The following TANC2 variants were observed in gnomAD, a reference collection of about 807,000 sequenced individuals.
TANC2 encodes the protein tetratricopeptide repeat, ankyrin repeat and coiled-coil containing 2.
A neutral mutation model predicts 210.5 loss-of-function variants in TANC2; 26 were observed. The observed-to-expected ratio is 0.12, with a 90% CI of 0.09 to 0.17. The LOEUF (loss-of-function observed/expected upper bound fraction) is 0.17. Among genes scored for constraint, TANC2 ranks in the 10% least tolerant of loss-of-function variants. The pLI is 1.00. For synonymous variants in TANC2, 931 were observed against 967.1 expected, an observed-to-expected ratio of 0.96 and a Z score of 0.69; for missense variants, 2,129 against 2,608.9, an observed-to-expected ratio of 0.82 and a Z score of 4.01.
intron 2 of TANC2, among the ~76,000 whole-genome samples, chr17:63,064,749 TAA>T (rs1352842884): frequency 1.3e-5 from 2 of 152,138 alleles, no homozygotes; most frequent in African/African-American, 2.4e-5. Context: ...TATTGTATAT[TAA>T]GTTATAATTT....
intron 4 of TANC2, among the ~76,000 whole-genome samples, chr17:63,137,935 T>A (rs1266008845): frequency 6.6e-6 from 1 of 152,168 alleles, no homozygotes; most frequent in Non-Finnish European, 1.5e-5. Flanking sequence ...TTATATAGAG[T>A]ATAGCAAAGA....
chr17:63,177,017 A>G (rs987837671), intron 5 of TANC2, among the ~76,000 whole-genome samples: 1 of 151,994 alleles, frequency 6.6e-6, no homozygotes, highest in Non-Finnish European at 1.5e-5. Flanking sequence ...TAATCCCAGC[A>G]CTTTAGGAGG....
chr17:63,035,972 C>T (rs1160697866), intron 2 of TANC2, among the ~76,000 whole-genome samples: 1 of 152,106 alleles, frequency 6.6e-6, no homozygotes, highest in Non-Finnish European at 1.5e-5. Flanking sequence ...TTTTCATGTG[C>T]TTGTCTTCCG....
chr17:63,373,899 T>C (rs2047344487), intron 14 of TANC2, among the ~76,000 whole-genome samples: 1 of 152,098 alleles, frequency 6.6e-6, no homozygotes, highest in Admixed American at 6.6e-5. Context: ...GAGAATTGCT[T>C]GAACCCAGGA....
At chr17:63,377,928 C>T (rs1027346823) in intron 14 of TANC2, among the ~76,000 whole-genome samples, 1 of 152,172 alleles carries the variant, frequency 6.6e-6, no homozygotes, top group Non-Finnish European at 1.5e-5. Context: ...ATGCCAGACA[C>T]TTAGAAAACC....
At chr17:63,098,289 A>G (rs1422565710) in intron 3 of TANC2, among the ~76,000 whole-genome samples, 1 of 151,950 alleles carries the variant, frequency 6.6e-6, no homozygotes, top group Non-Finnish European at 1.5e-5. Context: ...TTTATGGGAA[A>G]TATTTAGAGC....
chr17:63,334,848 T>C (rs759456822), intron 11 of TANC2, among the ~76,000 whole-genome samples: 2 of 152,218 alleles, frequency 1.3e-5, no homozygotes, highest in Non-Finnish European at 2.9e-5. Context: ...CTGCAGGCTG[T>C]ATGAGCATGG....
chr17:63,251,783 G>T (rs954337651), intron 8 of TANC2, among the ~76,000 whole-genome samples: 1 of 152,068 alleles, frequency 6.6e-6, no homozygotes, highest in Non-Finnish European at 1.5e-5. Context: ...TTGAAGGAAT[G>T]AACTATTCAC....
chr17:63,340,323 C>A (rs749051087), exon 12 of TANC2: 1 of 1,613,756 alleles, frequency 6.2e-7, no homozygotes, highest in Non-Finnish European at 8.5e-7. Context: ...ACTAGAAAAT[C>A]TCCATAAAGG....
chr17:62,995,795 A>T (rs558724440), intron 1 of TANC2, among the ~76,000 whole-genome samples: 3 of 152,180 alleles, frequency 2.0e-5, no homozygotes, highest in Non-Finnish European at 4.4e-5. Context: ...GCTTTTAGGG[A>T]AATTATCAAA....
chr17:62,977,158 A>T (rs1239838221), intron 1 of TANC2, among the ~76,000 whole-genome samples: 4 of 152,222 alleles, frequency 2.6e-5, no homozygotes, highest in African/African-American at 9.6e-5. Context: ...GGGAACAAGC[A>T]TTCTGTTTCT....
At chr17:63,170,978 G>C (rs1251577073) in intron 5 of TANC2, among the ~76,000 whole-genome samples, 1 of 151,778 alleles carries the variant, frequency 6.6e-6, no homozygotes, top group Non-Finnish European at 1.5e-5. Flanking sequence ...TCTCCATTTG[G>C]TGTTACTCAA....
chr17:63,270,229 T>C (rs1430766326), intron 9 of TANC2, among the ~76,000 whole-genome samples: 1 of 152,174 alleles, frequency 6.6e-6, no homozygotes, highest in African/African-American at 2.4e-5. Flanking sequence ...ACATGTTATC[T>C]TAATTATTGT....
chr17:62,975,873 T>C (rs1029523610), intron 1 of TANC2, among the ~76,000 whole-genome samples: 1 of 152,152 alleles, frequency 6.6e-6, no homozygotes. Flanking sequence ...TTTATTAGCC[T>C]GTGGAAAGTA....
chr17:62,998,908 C>T (rs1175395327), intron 1 of TANC2, among the ~76,000 whole-genome samples: 1 of 152,126 alleles, frequency 6.6e-6, no homozygotes, highest in Non-Finnish European at 1.5e-5. Flanking sequence ...ATATCAATAT[C>T]AACACACATA....
intron 8 of TANC2, among the ~76,000 whole-genome samples, chr17:63,239,654 TCTAA>T (rs1480828577): frequency 1.3e-5 from 2 of 152,196 alleles, no homozygotes; most frequent in Admixed American, 1.3e-4. Flanking sequence ...CCTAGGACCT[TCTAA>T]CTATGTCAAT....
At chr17:63,071,209 A>G (rs2036384528) in intron 2 of TANC2, among the ~76,000 whole-genome samples, 1 of 152,182 alleles carries the variant, frequency 6.6e-6, no homozygotes, top group Non-Finnish European at 1.5e-5. Context: ...GATGTGGGGA[A>G]TAGATGCATG....
chr17:63,409,566 A>T (rs2048624741), intron 21 of TANC2, among the ~76,000 whole-genome samples: 1 of 152,252 alleles, frequency 6.6e-6, no homozygotes, highest in African/African-American at 2.4e-5. Context: ...TGTTCAGAGA[A>T]ATGCATTCCA....
At chr17:63,352,708 T>A (rs2046651567) in intron 13 of TANC2, among the ~76,000 whole-genome samples, 1 of 152,162 alleles carries the variant, frequency 6.6e-6, no homozygotes, top group Admixed American at 6.5e-5. Context: ...GTACTTCAAC[T>A]AAGAATTTTT....
Sources: allele counts gnomAD v4.1 joint callset (sites outside exome capture counted in the v4.1 genomes callset), GRCh38; gene constraint gnomAD v4.1.1; transcripts MANE v1.5; gene names NCBI Gene and HGNC (gene_info 2026-07-23, HGNC 2026-07-21).